PCSK5: variants seen among roughly 807,000 people sequenced by gnomAD.
PCSK5 encodes the protein prohormone convertase 5.
In PCSK5, 129 loss-of-function variants were observed where a neutral mutation model predicts 233.2. The ratio of observed to expected loss-of-function variants is 0.55; its 90% CI spans 0.48 to 0.64. The LOEUF (loss-of-function observed/expected upper bound fraction) is 0.64, where lower values mean the gene tolerates loss of function less well. Among genes scored for constraint, PCSK5 ranks in the 30% least tolerant of loss-of-function variants. PCSK5 has a pLI of 0.00. For missense variants in PCSK5, 2,076 were observed against 2,430.1 expected (o/e 0.85, Z 3.06); for synonymous variants, 825 against 879.2 (o/e 0.94, Z 1.09).
chr9:76,172,351 C>G (rs1197821214), intron 13 of PCSK5, among the ~76,000 whole-genome samples: 3 of 150,762 alleles, frequency 2.0e-5, no homozygotes, highest in Non-Finnish European at 4.4e-5. Context: ...TAAAATTTAG[C>G]AAACAGAAAA....
chr9:76,075,416 C>T (rs1251290279), intron 7 of PCSK5, among the ~76,000 whole-genome samples: 1 of 151,894 alleles, frequency 6.6e-6, no homozygotes, highest in Non-Finnish European at 1.5e-5. Context: ...GTTTGTAGTC[C>T]TGAATTTTGT....
At chr9:76,337,934 T>C (rs1042348221) in intron 34 of PCSK5, among the ~76,000 whole-genome samples, 18 of 152,096 alleles carry the variant, frequency 1.2e-4, no homozygotes, top group African/African-American at 3.4e-4. Context: ...AAAAAGGCAA[T>C]GGTAGCTAGC....
chr9:76,102,722 G>T (rs1831814674), intron 8 of PCSK5, among the ~76,000 whole-genome samples: 1 of 152,186 alleles, frequency 6.6e-6, no homozygotes, highest in African/African-American at 2.4e-5. Context: ...ATACACATAT[G>T]CACACATAAT....
chr9:76,020,521 T>C (rs1218836689), intron 3 of PCSK5, among the ~76,000 whole-genome samples: 1 of 152,230 alleles, frequency 6.6e-6, no homozygotes, highest in Non-Finnish European at 1.5e-5. Context: ...TTTTGTCATC[T>C]GTATTTTGGT....
intron 5 of PCSK5, among the ~76,000 whole-genome samples, chr9:76,042,374 AC>A (rs1829158181): frequency 6.6e-6 from 1 of 152,200 alleles, no homozygotes; most frequent in African/African-American, 2.4e-5. Context: ...CAGGCCAGGC[AC>A]CATGGTGGCT....
intron 14 of PCSK5, 190 bp downstream of exon 14, chr9:76,175,319 A>T (rs760011286): frequency 5.0e-6 from 3 of 595,182 alleles, no homozygotes; most frequent in Non-Finnish European, 5.9e-6. Flanking sequence ...ATAGAACAGA[A>T]CAGAATAGAA....
At chr9:75,969,749 T>G (rs898801620) in intron 2 of PCSK5, among the ~76,000 whole-genome samples, 3 of 152,164 alleles carry the variant, frequency 2.0e-5, no homozygotes, top group South Asian at 4.1e-4. Context: ...ATTAGCTCAT[T>G]TACTCTTTAG....
intron 8 of PCSK5, among the ~76,000 whole-genome samples, chr9:76,098,659 A>G (rs554384647): frequency 6.6e-6 from 1 of 152,258 alleles, no homozygotes; most frequent in East Asian, 1.9e-4. Flanking sequence ...ATTATTCTCT[A>G]TGGGGTGATT....
intron 24 of PCSK5, among the ~76,000 whole-genome samples, chr9:76,245,553 A>G (rs886114910): frequency 6.6e-6 from 1 of 152,164 alleles, no homozygotes; most frequent in African/African-American, 2.4e-5. Flanking sequence ...GGGGGTCTTT[A>G]TATTTGGACA....
chr9:76,114,071 GT>G (rs895057894), intron 9 of PCSK5, among the ~76,000 whole-genome samples: 20 of 152,160 alleles, frequency 1.3e-4, no homozygotes, highest in Non-Finnish European at 2.2e-4. Flanking sequence ...TACTCTTAGA[GT>G]TTTTTTGTGT....
chr9:75,959,971 G>C (rs982499180), intron 2 of PCSK5, among the ~76,000 whole-genome samples: 1 of 152,180 alleles, frequency 6.6e-6, no homozygotes, highest in South Asian at 2.1e-4. Context: ...CCTATTCTAT[G>C]TAGGGCAGAA....
At chr9:76,264,336 A>G (rs1440773527) in intron 24 of PCSK5, among the ~76,000 whole-genome samples, 1 of 152,178 alleles carries the variant, frequency 6.6e-6, no homozygotes, top group East Asian at 1.9e-4. Context: ...TAAGTGTTAG[A>G]CTTCAAACTA....
At chr9:76,130,119 A>ATTT (rs1371933601) in intron 9 of PCSK5, among the ~76,000 whole-genome samples, 2 of 152,030 alleles carry the variant, frequency 1.3e-5, no homozygotes, top group Non-Finnish European at 2.9e-5. Flanking sequence ...AAATCATATG[A>ATTT]TTTTCCTGGT....
chr9:76,097,215 A>G (rs1218672652), intron 8 of PCSK5, among the ~76,000 whole-genome samples: 12 of 144,640 alleles, frequency 8.3e-5, no homozygotes, highest in African/African-American at 3.1e-4. Context: ...TTACAGGTGT[A>G]AGGCACCGCG....
At chr9:76,037,392 C>T (rs1828903098) in intron 5 of PCSK5, among the ~76,000 whole-genome samples, 1 of 152,090 alleles carries the variant, frequency 6.6e-6, no homozygotes, top group Non-Finnish European at 1.5e-5. Flanking sequence ...TGAATGAGTT[C>T]CAGCTGGTCA....
At chr9:76,019,536 G>A (rs1828091755) in intron 3 of PCSK5, among the ~76,000 whole-genome samples, 1 of 152,064 alleles carries the variant, frequency 6.6e-6, no homozygotes, top group African/African-American at 2.4e-5. Context: ...TCAGAACTTA[G>A]AGAAATTTAA....
At chr9:76,261,549 T>C (rs938823948) in intron 24 of PCSK5, among the ~76,000 whole-genome samples, 1 of 152,172 alleles carries the variant, frequency 6.6e-6, no homozygotes, top group African/African-American at 2.4e-5. Flanking sequence ...CTCACAAATA[T>C]GTAGGAATAT....
intron 9 of PCSK5, among the ~76,000 whole-genome samples, chr9:76,123,921 G>T (rs990908639): frequency 2.8e-5 from 4 of 142,164 alleles, no homozygotes; most frequent in Admixed American, 2.2e-4. Context: ...TCTTTAACTA[G>T]AAGTCCTGTT....
chr9:75,977,575 T>C (rs1826079753), intron 2 of PCSK5, among the ~76,000 whole-genome samples: 2 of 149,552 alleles, frequency 1.3e-5, no homozygotes, highest in South Asian at 4.3e-4. Context: ...GTGGAGGAAA[T>C]GGCTCCATCT....
Sources: gnomAD v4.1 joint callset for allele counts (sites outside exome capture counted in the v4.1 genomes callset) on GRCh38, gnomAD v4.1.1 for gene constraint, MANE v1.5 for transcripts, NCBI Gene and HGNC (gene_info 2026-07-23, HGNC 2026-07-21) for gene names.